Variants in AMPH observed in about 807,000 individuals in gnomAD.
AMPH encodes the protein amphiphysin (Stiff-Mann syndrome with breast cancer 128kD autoantigen).
Under a neutral mutation model 99.1 loss-of-function variants are expected in AMPH, and 49 were observed. The ratio of observed to expected loss-of-function variants is 0.49; its 90% CI spans 0.39 to 0.63. AMPH has a LOEUF of 0.63. Among genes scored for constraint, AMPH ranks in the 20% least tolerant of loss-of-function variants. The probability of loss-of-function intolerance (pLI) is 0.00; values close to 1 mark genes in which losing one functional copy is unlikely to be tolerated. For synonymous variants in AMPH, 314 were observed against 317.3 expected, an observed-to-expected ratio of 0.99 and a Z score of 0.11; for missense variants, 759 against 863.4, an observed-to-expected ratio of 0.88 and a Z score of 1.52.
intron 1 of AMPH, among the ~76,000 whole-genome samples, chr7:38,624,963 G>T (rs1794194276): frequency 6.6e-6 from 1 of 152,070 alleles, no homozygotes; most frequent in Non-Finnish European, 1.5e-5. Flanking sequence ...AAAAAAGTGT[G>T]CCTATACAGG....
chr7:38,558,784 G>A (rs1014320246), intron 1 of AMPH, among the ~76,000 whole-genome samples: 3 of 152,162 alleles, frequency 2.0e-5, no homozygotes, highest in Non-Finnish European at 4.4e-5. Flanking sequence ...ACTGTACTCC[G>A]GTGACCCAGG....
At chr7:38,493,524 C>A (rs77642457) in intron 4 of AMPH, among the ~76,000 whole-genome samples, 8,472 of 152,178 alleles carry the variant, frequency 0.056, 454 homozygotes, top group South Asian at 0.2. Flanking sequence ...CAACGTCACA[C>A]AGCGCTACTC....
At chr7:38,396,808 C>T (rs1468588819) in intron 17 of AMPH, among the ~76,000 whole-genome samples, 1 of 152,190 alleles carries the variant, frequency 6.6e-6, no homozygotes, top group Admixed American at 6.5e-5. Context: ...CTGAGAAGAA[C>T]AAGGAGCAAT....
intron 2 of AMPH, among the ~76,000 whole-genome samples, chr7:38,514,013 G>T (rs1226824900): frequency 6.6e-6 from 1 of 152,182 alleles, no homozygotes; most frequent in African/African-American, 2.4e-5. Context: ...CTTGAAAATT[G>T]CTGCCTCCAG....
chr7:38,597,382 A>G lies in AMPH; in HGVS notation c.69+33901T>C, dbSNP rs75280323. 5.1e-3 allele frequency among the ~76,000 whole-genome samples: 778 copies of G among 152,250 alleles called. 4 individuals are homozygous for G. Among genetic ancestry groups the G allele is most frequent in the African/African-American group, 0.018 (749 of 41,550 alleles). ...AACAGGAAAAGGGTTATAATGAATC[A>G]CTGACATCAGAAGATCATGTATTTG... is the stretch of plus-strand genomic sequence containing the variant. On this transcript the variant is annotated intron_variant, in intron 1 of 20. Transcript: ENST00000356264.
At chr7:38,505,616 G>C (rs1291105703) in intron 2 of AMPH, among the ~76,000 whole-genome samples, 2 of 152,132 alleles carry the variant, frequency 1.3e-5, no homozygotes, top group Non-Finnish European at 2.9e-5. Context: ...AGCAAATCAT[G>C]GTGGGGTTCC....
intron 5 of AMPH, among the ~76,000 whole-genome samples, chr7:38,479,103 G>A (rs896151977): frequency 3.3e-5 from 5 of 151,824 alleles, no homozygotes; most frequent in Non-Finnish European, 5.9e-5. Flanking sequence ...TCAAAGTATA[G>A]ATGCAAGAAA....
intron 3 of AMPH, among the ~76,000 whole-genome samples, chr7:38,501,289 C>T (rs1426566766): frequency 2.0e-5 from 3 of 152,220 alleles, no homozygotes; most frequent in African/African-American, 7.2e-5. Context: ...CTCCCGGGTT[C>T]AAGCAATTCT....
intron 2 of AMPH, among the ~76,000 whole-genome samples, chr7:38,516,797 G>A (rs1789763032): frequency 1.3e-5 from 2 of 152,212 alleles, no homozygotes; most frequent in African/African-American, 2.4e-5. Flanking sequence ...CAGAGCCACA[G>A]AGGCAGAGCT....
intron 19 of AMPH, among the ~76,000 whole-genome samples, chr7:38,391,134 C>T (rs1480751888): frequency 6.6e-6 from 1 of 152,164 alleles, no homozygotes; most frequent in African/African-American, 2.4e-5. Context: ...ACAGGAAACA[C>T]TTAGGTTAAG....
chr7:38,536,529 T>A lies in AMPH; in HGVS notation c.70-1518A>T, dbSNP rs182586771. ...TTTTGTATTCTATTCTAAAAATAGT[T>A]GCTCATAAAATGTGCTAGTATTTCT... is the stretch of plus-strand genomic sequence containing the variant. On this transcript the variant is annotated intron_variant, in intron 1 of 20. Coordinates refer to ENST00000356264, the MANE Select transcript of AMPH (RefSeq NM_001635.4). Among the ~76,000 whole-genome samples the A allele has an allele frequency of 6.6e-3, 1,001 of 152,324 alleles. 5 individuals carry two copies. Among genetic ancestry groups the A allele is most frequent in the Non-Finnish European group, 0.011 (777 of 68,020 alleles).
At chr7:38,397,036 G>A (rs1427189316) in intron 17 of AMPH, among the ~76,000 whole-genome samples, 1 of 152,206 alleles carries the variant, frequency 6.6e-6, no homozygotes, top group Non-Finnish European at 1.5e-5. Context: ...AGTTTCAACA[G>A]CTTGGAAGCA....
chr7:38,463,140 G>A (rs1449331101), intron 9 of AMPH, 27 bp from the exon 10 acceptor site: 2 of 1,613,898 alleles, frequency 1.2e-6, no homozygotes, highest in South Asian at 1.1e-5. Flanking sequence ...GATTGGGCAA[G>A]GGGCCTTCTC....
chr7:38,561,540 A>G (rs1274715592), intron 1 of AMPH, among the ~76,000 whole-genome samples: 2 of 152,220 alleles, frequency 1.3e-5, no homozygotes, highest in Non-Finnish European at 2.9e-5. Context: ...AGCAGAGGAG[A>G]GAAAAATAAA....
At chr7:38,567,209 A>G (rs1204240223) in intron 1 of AMPH, among the ~76,000 whole-genome samples, 2 of 152,238 alleles carry the variant, frequency 1.3e-5, no homozygotes, top group Non-Finnish European at 2.9e-5. Flanking sequence ...CTATGCAGCC[A>G]TAAGAAAGGA....
At position 38,534,972 on chromosome 7, in the gene AMPH, C is replaced by A; in HGVS notation, c.109G>T (p.Glu37Ter). ...KLGKADETKD[E>*]QFEEYVQNFK... is the part of the protein sequence containing the mutation. ...TTCTGGACATATTCTTCGAACTGTT[C>A]GTCTTTTGTCTCATCAGCTTTCCCC... is the stretch of plus-strand genomic sequence containing the variant. The change falls in exon 2 of 21, where the codon GAA (glutamate) becomes TAA (stop). Residue 37 changes from glutamate to a stop codon, truncating the protein, a stop_gained. Transcript: ENST00000356264. LOFTEE classifies it high-confidence loss of function. 1 of 1,614,076 alleles carries A rather than the reference C, an allele frequency of 6.2e-7. No homozygotes were observed. Among genetic ancestry groups the A allele is most frequent in the Non-Finnish European group, 8.5e-7 (1 of 1,180,006 alleles).
At chr7:38,454,997 T>C (rs1273545340) in intron 11 of AMPH, among the ~76,000 whole-genome samples, 1 of 152,072 alleles carries the variant, frequency 6.6e-6, no homozygotes, top group Non-Finnish European at 1.5e-5. Context: ...ATATACTCAG[T>C]GATTTGGGAA....
intron 20 of AMPH, among the ~76,000 whole-genome samples, chr7:38,386,221 T>C (rs1314785811): frequency 6.6e-6 from 1 of 152,196 alleles, no homozygotes; most frequent in Non-Finnish European, 1.5e-5. Context: ...TATGATGTCA[T>C]ATATGTGAAG....
At chr7:38,492,994 TGC>T (rs1338962372) in intron 4 of AMPH, among the ~76,000 whole-genome samples, 1 of 152,236 alleles carries the variant, frequency 6.6e-6, no homozygotes, top group Non-Finnish European at 1.5e-5. Context: ...AAGTAATGTG[TGC>T]GGTCTGCTTT....
Sources: gnomAD v4.1 joint callset for allele counts (sites outside exome capture counted in the v4.1 genomes callset) on GRCh38, gnomAD v4.1.1 for gene constraint, MANE v1.5 for transcripts, NCBI Gene and HGNC (gene_info 2026-07-23, HGNC 2026-07-21) for gene names.